The following DNMT3A variants were observed in gnomAD, a reference collection of about 807,000 sequenced individuals.
DNMT3A encodes the protein DNA (cytosine-5)-methyltransferase 3A.
DNMT3A carries 267 observed loss-of-function variants against 117.6 expected under a neutral mutation model. The ratio of observed to expected loss-of-function variants is 2.27; its 90% confidence interval spans 2.05 to 2.51. DNMT3A has a LOEUF of 2.51. DNMT3A is among the 30% of genes most tolerant of loss of function. The probability of loss-of-function intolerance (pLI) is 0.00; values close to 1 mark genes in which losing one functional copy is unlikely to be tolerated. For missense variants in DNMT3A, 1,029 were observed against 1,260.2 expected (o/e 0.82, Z 2.78); for synonymous variants, 432 against 474.8 (o/e 0.91, Z 1.17).
chr2:25,292,781 A>G (rs935556018), intron 3 of DNMT3A, among the ~76,000 whole-genome samples: 2 of 152,034 alleles, frequency 1.3e-5, no homozygotes, highest in African/African-American at 4.8e-5. Flanking sequence ...AAATGTACAA[A>G]ATTCTCTAGG....
Position 25,246,669 on chromosome 2 carries a change from G to A in DNMT3A, c.1230C>T (p.Ala410=). 1.2e-6 allele frequency: 2 copies of A among 1,613,606 alleles called. No homozygotes were observed. Among genetic ancestry groups the A allele is most frequent in the African/African-American group, 1.3e-5 (1 of 75,058 alleles). ...EVQNKPMIEW[A]LGGFQPSGPK... is the part of the protein sequence containing the mutation. ...GGCCAGAAGGCTGGAAGCCCCCCAG[G>A]GCCCATTCAATCATGGGCTTGTTCT... The change falls in exon 10 of 23, where the codon GCC becomes GCT. Residue 410 remains alanine, a synonymous_variant. Coordinates refer to ENST00000321117, the MANE Select transcript of DNMT3A (RefSeq NM_022552.5).
rs1010492131 is a variant in DNMT3A at position 25,254,004 on chromosome 2, G to T, written c.640-5752C>A. On this transcript the variant is annotated intron_variant, in intron 6 of 22. Coordinates refer to ENST00000321117, the MANE Select transcript of DNMT3A (RefSeq NM_022552.5). This position sits in a 1 kb window ranked among gnomAD's most constrained non-coding sequence, Gnocchi z 4.7. ...AGAGAATCGCTTCAACTTAGGAGGC[G>T]GATGTTGCAGTGAGCCGAGATCATG... Among the ~76,000 whole-genome samples, 1 of 151,654 alleles carries T rather than the reference G, an allele frequency of 6.6e-6. No individual in the cohort carries two copies. The highest frequency in any genetic ancestry group is 2.4e-5 in the African/African-American group (1 of 41,224).
chr2:25,314,273 C>T (rs1468960434), intron 1 of DNMT3A, 112 bp from the exon 2 acceptor site: 1 of 1,267,162 alleles, frequency 7.9e-7, no homozygotes, highest in African/African-American at 1.5e-5. Flanking sequence ...GCTCCTCCTT[C>T]TGGCCTCACC....
rs1459552286 is a variant in DNMT3A at position 25,296,219 on chromosome 2, C to T, written c.177+3920G>A. On this transcript the variant is annotated intron_variant, in intron 3 of 22. Coordinates refer to ENST00000321117, the MANE Select transcript of DNMT3A (RefSeq NM_022552.5). The surrounding 1 kb of genome is among the most constrained non-coding windows in gnomAD (Gnocchi z 4.2). Reference sequence around the variant, plus strand: ...AGTTCATTTTTATTAACTTTGGAGACAGTTGGAGAAGGGAAAGGCCAGTGT... The same window carrying T: ...AGTTCATTTTTATTAACTTTGGAGATAGTTGGAGAAGGGAAAGGCCAGTGT... 2.6e-5 allele frequency among the ~76,000 whole-genome samples: 4 copies of T among 152,132 alleles called. No individual in the cohort carries two copies. Among genetic ancestry groups the T allele is most frequent in the Non-Finnish European group, 5.9e-5 (4 of 68,042 alleles).
rs1558653730 is a variant in DNMT3A, at chr2:25,236,156, C to T, written c.2479-331G>A. On this transcript the variant is annotated intron_variant, in intron 21 of 22. Transcript: ENST00000321117. This position sits in a 1 kb window ranked among gnomAD's most constrained non-coding sequence, Gnocchi z 4.5. The stretch of plus-strand genomic sequence containing the variant: ...TCTCAGCTCACTGTAACCTCCACCT[C>T]CCGGGTTCAAGCGATTCTAATGCCT... Among the ~76,000 whole-genome samples the T allele has an allele frequency of 6.6e-6, 1 of 152,056 alleles. No homozygotes were observed. Among genetic ancestry groups the T allele is most frequent in the Non-Finnish European group, 1.5e-5 (1 of 68,032 alleles).
Position 25,247,112 on chromosome 2 carries a change from A to AACGC in DNMT3A, c.1057_1060dup (p.Phe354CysfsTer40), listed in dbSNP as rs1674903328. On this transcript the variant is annotated frameshift_variant, in exon 9 of 23. Coordinates refer to ENST00000321117, the MANE Select transcript of DNMT3A (RefSeq NM_022552.5). LOFTEE classifies it high-confidence loss of function. This position sits in a 1 kb window ranked among gnomAD's most constrained non-coding sequence, Gnocchi z 5.6. ...CTGCTTGTTGTACGTGGCCTGGTGGAACGCACTGCAAAACGAGCTCAGCGG... is the reference window on the plus strand; with the variant it reads ...CTGCTTGTTGTACGTGGCCTGGTGGAACGCACGCACTGCAAAACGAGCTCAGCGG... 1 of 1,613,984 alleles carries AACGC rather than the reference A, an allele frequency of 6.2e-7. No homozygotes were observed.
At position 25,239,217 on chromosome 2, in the gene DNMT3A, T is replaced by C. The variant is rs765045799; in HGVS notation, c.2323-2A>G. 5 of 1,613,514 alleles carry C rather than the reference T, an allele frequency of 3.1e-6. No individual in the cohort carries two copies. The highest frequency in any genetic ancestry group is 4.2e-6 in the Non-Finnish European group (5 of 1,179,712). On this transcript the variant is annotated splice_acceptor_variant, in intron 19 of 22. Coordinates refer to ENST00000321117, the MANE Select transcript of DNMT3A (RefSeq NM_022552.5). LOFTEE classifies it high-confidence loss of function. The stretch of plus-strand genomic sequence containing the variant: ...GGCATCAATCATCACAGGGTTGGAC[T>C]ACAAAACAGGAGACGGTTTGAAGAT...
At chr2:25,317,027 C>T (rs1447765226) in intron 1 of DNMT3A, among the ~76,000 whole-genome samples, 1 of 152,232 alleles carries the variant, frequency 6.6e-6, no homozygotes, top group Non-Finnish European at 1.5e-5. Context: ...CCAAGGCTCA[C>T]TACCTTCTAA....
intron 2 of DNMT3A, among the ~76,000 whole-genome samples, chr2:25,308,879 G>A (rs2033922866): frequency 6.6e-6 from 1 of 152,056 alleles, no homozygotes. Context: ...GAGAGCCCAC[G>A]AGAAATCAGT....
At chr2:25,244,819 C>G (rs1674545969) in intron 13 of DNMT3A, among the ~76,000 whole-genome samples, 167 bp from the exon 14 acceptor site, 1 of 152,186 alleles carries the variant, frequency 6.6e-6, no homozygotes, top group Admixed American at 6.5e-5. Context: ...AAGGGGAAAC[C>G]TCATCTGCCT....
At chr2:25,279,471 C>T (rs2031720603) in intron 4 of DNMT3A, among the ~76,000 whole-genome samples, 1 of 152,168 alleles carries the variant, frequency 6.6e-6, no homozygotes, top group East Asian at 1.9e-4. Context: ...CTGCTGGAAC[C>T]GTGACCGAGC....
At position 25,292,126 on chromosome 2, in the gene DNMT3A, A is replaced by G. The variant is rs138227657; in HGVS notation, c.177+8013T>C. Among the ~76,000 whole-genome samples, 807 of 152,082 alleles carry G rather than the reference A, an allele frequency of 5.3e-3. 7 individuals carry two copies. The highest frequency in any genetic ancestry group is 0.019 in the African/African-American group (784 of 41,460). On this transcript the variant is annotated intron_variant, in intron 3 of 22. Transcript: ENST00000321117. The stretch of plus-strand genomic sequence containing the variant: ...AAAAAAAATGGCCTTTGAGCCCCCT[A>G]TGCTCAGGCCTGCTCTCACATTGTG...
In DNMT3A at chr2:25,245,280, G is replaced by C; in HGVS notation, c.1527C>G (p.Phe509Leu). 1 of 1,613,934 alleles carries C rather than the reference G, an allele frequency of 6.2e-7. No homozygotes were observed. Among genetic ancestry groups the C allele is most frequent in the Non-Finnish European group, 8.5e-7 (1 of 1,179,988 alleles). ...SLNVTLEHPLFVGGMCQNCKN... is the reference protein window; with the variant it reads ...SLNVTLEHPLLVGGMCQNCKN... Reference sequence around the variant, plus strand: ...TGCAGTTTTGGCACATTCCTCCAACGAAGAGGGGGTGTTCCAGGGTAACAT... The same window carrying C: ...TGCAGTTTTGGCACATTCCTCCAACCAAGAGGGGGTGTTCCAGGGTAACAT... The change falls in exon 13 of 23, where the codon TTC becomes TTG. Residue 509 changes from phenylalanine (F) to leucine (L), a missense_variant. Phe to Leu is a conservative substitution (Grantham distance 22). Transcript: ENST00000321117.
At chr2:25,271,026 A>G (rs2030846089) in intron 6 of DNMT3A, among the ~76,000 whole-genome samples, 2 of 151,960 alleles carry the variant, frequency 1.3e-5, no homozygotes, top group African/African-American at 4.8e-5. Flanking sequence ...CTCCGTCTCA[A>G]AAAAACAAAA....
Position 25,254,345 on chromosome 2 carries a change from C to A in DNMT3A, c.640-6093G>T, listed in dbSNP as rs936013310. 6.6e-6 allele frequency among the ~76,000 whole-genome samples: 1 copy of A among 152,008 alleles called. No individual in the cohort carries two copies. The highest frequency in any genetic ancestry group is 6.6e-5 in the Admixed American group (1 of 15,256). On this transcript the variant is annotated intron_variant, in intron 6 of 22. Transcript: ENST00000321117. This position sits in a 1 kb window ranked among gnomAD's most constrained non-coding sequence, Gnocchi z 4.7. ...GGGAGCCCCCCCTCCCCCTGAGGGC[C>A]ATCAGAGCAAGCAAACCCTGAAGAG...
chr2:25,243,646 G>A (rs895251934), intron 16 of DNMT3A, among the ~76,000 whole-genome samples: 1 of 152,222 alleles, frequency 6.6e-6, no homozygotes, highest in Non-Finnish European at 1.5e-5. Context: ...GGCCTCTGTG[G>A]CTGAATCTTC....
At position 25,282,572 on chromosome 2, in the gene DNMT3A, G is replaced by T. The variant is rs1277010838; in HGVS notation, c.317C>A (p.Pro106His). 1 of 1,613,574 alleles carries T rather than the reference G, an allele frequency of 6.2e-7. No homozygotes were observed. The highest frequency in any genetic ancestry group is 8.5e-7 in the Non-Finnish European group (1 of 1,179,998). The change falls in exon 4 of 23, where the codon CCT becomes CAT. Residue 106 changes from proline to histidine, a missense_variant. Pro to His is a moderately conservative substitution (Grantham distance 77, BLOSUM62 -2). Coordinates refer to ENST00000321117, the MANE Select transcript of DNMT3A (RefSeq NM_022552.5). This position sits in a 1 kb window ranked among gnomAD's most constrained non-coding sequence, Gnocchi z 5.2. ...GGCCCCGCCCTTCTGCCCCCCAGCAGGGCTCCCCTCCTCTGGCTGGGGCTC... is the reference window on the plus strand; with the variant it reads ...GGCCCCGCCCTTCTGCCCCCCAGCATGGCTCCCCTCCTCTGGCTGGGGCTC... ...RSEPQPEEGS[P>H]AGGQKGGAPA...
chr2:25,282,154 C>CTT lies in DNMT3A; in HGVS notation c.448+285_448+286dup, dbSNP rs532858843. ...GAAAGCCCGCTGTTGCCAGATCTAGCTTTTTTTTTTTTCATGAGAAGCCAA... is the reference window on the plus strand; with the variant it reads ...GAAAGCCCGCTGTTGCCAGATCTAGCTTTTTTTTTTTTTTCATGAGAAGCCAA... On this transcript the variant is annotated intron_variant, in intron 4 of 22. Transcript: ENST00000321117. The surrounding 1 kb of genome is among the most constrained non-coding windows in gnomAD (Gnocchi z 5.2). The CTT allele has an allele frequency of 2.4e-4, 226 of 933,518 alleles. No individual in the cohort carries two copies. Among genetic ancestry groups the CTT allele is most frequent in the South Asian group, 5.5e-4 (19 of 34,560 alleles). The allele number at this position is 933,518 out of a possible 1,614,324, so 57.8% of individuals were successfully genotyped here.
At chr2:25,332,944 C>T (rs375471177) in intron 1 of DNMT3A, among the ~76,000 whole-genome samples, 1 of 152,248 alleles carries the variant, frequency 6.6e-6, no homozygotes, top group South Asian at 2.1e-4. Flanking sequence ...CAGCAAAGGC[C>T]ACTCTCCGCT....
Sources: allele counts gnomAD v4.1 joint callset (sites outside exome capture counted in the v4.1 genomes callset), GRCh38; gene constraint gnomAD v4.1.1; non-coding constraint Gnocchi (gnomAD v3.1); transcripts MANE v1.5; gene names NCBI Gene and HGNC (gene_info 2026-07-23, HGNC 2026-07-21).